Variants in NAPA observed in about 807,000 individuals in gnomAD.
The protein encoded by NAPA is alpha-soluble NSF attachment protein.
Under a neutral mutation model 48.0 loss-of-function variants are expected in NAPA, and 18 were observed. The ratio of observed to expected loss-of-function variants is 0.38; its 90% CI spans 0.26 to 0.56. NAPA has a LOEUF of 0.56. NAPA is among the 20% of genes least tolerant of loss of function. NAPA has a pLI of 0.77. For synonymous variants in NAPA, 152 were observed against 149.9 expected (o/e 1.01, Z -0.10); for missense variants, 315 against 385.0 (o/e 0.82, Z 1.52).
chr19:47,500,525 T>C (rs1437536286), intron 3 of NAPA, 108 bp downstream of exon 3: 4 of 831,926 alleles, frequency 4.8e-6, no homozygotes, highest in Non-Finnish European at 7.2e-6. Context: ...GCCTATCACA[T>C]GTCGGCCACT....
intron 8 of NAPA, among the ~76,000 whole-genome samples, chr19:47,491,749 C>T (rs1390688934): frequency 6.6e-6 from 1 of 152,156 alleles, no homozygotes; most frequent in Non-Finnish European, 1.5e-5. Flanking sequence ...TAATGGGGTG[C>T]AGTGAGGATT....
At chr19:47,503,528 G>C (rs956406307) in intron 1 of NAPA, 26 bp from the exon 2 acceptor site, 1 of 1,605,154 alleles carries the variant, frequency 6.2e-7, no homozygotes, top group Non-Finnish European at 8.5e-7. Context: ...AGAAAAAAAG[G>C]AGACAATCTA....
chr19:47,513,846 CTTTTTTTTT>C (rs776314156), intron 1 of NAPA, among the ~76,000 whole-genome samples: 34 of 115,856 alleles, frequency 2.9e-4, no homozygotes, highest in South Asian at 5.2e-4. Flanking sequence ...TTCTTTCTTT[CTTTTTTTTT>C]TTTTTTTTTT....
intron 9 of NAPA, 136 bp from the exon 10 acceptor site, chr19:47,489,897 T>C (rs529634019): frequency 2.4e-6 from 2 of 837,740 alleles, no homozygotes; most frequent in Middle Eastern, 3.0e-4. Context: ...GGTCAATCCG[T>C]GTGGGTTAAA....
At chr19:47,491,950 A>G in intron 8 of NAPA, 65 bp downstream of exon 8, 3 of 1,450,100 alleles carry the variant, frequency 2.1e-6, no homozygotes, top group Non-Finnish European at 2.9e-6. Context: ...GGGCAACGGG[A>G]CCTGGCCTGG....
intron 1 of NAPA, among the ~76,000 whole-genome samples, chr19:47,503,919 G>A (rs781106534): frequency 1.2e-4 from 19 of 152,208 alleles, no homozygotes; most frequent in Non-Finnish European, 1.3e-4. Flanking sequence ...TGTTGCTTTC[G>A]CAGAGGCAGC....
At chr19:47,501,845 C>G in intron 2 of NAPA, among the ~76,000 whole-genome samples, 1 of 152,190 alleles carries the variant, frequency 6.6e-6, no homozygotes, top group East Asian at 1.9e-4. Flanking sequence ...GGAAGAGGAC[C>G]AGGAGGCCTG....
downstream of NAPA, among the ~76,000 whole-genome samples, chr19:47,484,815 C>T (rs1968023352): frequency 6.6e-6 from 1 of 151,576 alleles, no homozygotes; most frequent in African/African-American, 2.4e-5. Context: ...AGCGATTCTC[C>T]TGCCTCAGCC....
rs748705457 is a variant in NAPA, at chr19:47,491,971, A to G, written c.666+44T>C. ...CGGGACCTGGCCTGGAGATAAGCAC[A>G]TGGTGGCCTGGTGCGGTGGTCCTGC... On this transcript the variant is annotated intron_variant, in intron 8 of 10. Transcript: ENST00000263354. 39 of 1,557,690 alleles carry G rather than the reference A, an allele frequency of 2.5e-5. No homozygotes were observed. In the Admixed American group the frequency reaches 5.7e-4, roughly 23 times the overall value.
downstream of NAPA, among the ~76,000 whole-genome samples, chr19:47,486,290 G>A (rs1968075739): frequency 6.6e-6 from 1 of 152,120 alleles, no homozygotes; most frequent in Admixed American, 6.5e-5. Context: ...GGGAGGCAGA[G>A]GTTGCAGTGA....
intron 3 of NAPA, 102 bp downstream of exon 3, chr19:47,500,531 C>A: frequency 1.1e-6 from 1 of 913,112 alleles, no homozygotes; most frequent in Admixed American, 3.2e-5. Context: ...CACATGTCGG[C>A]CACTGGAAAA....
intron 3 of NAPA, among the ~76,000 whole-genome samples, chr19:47,498,549 G>A (rs1017411374): frequency 6.6e-6 from 1 of 152,222 alleles, no homozygotes; most frequent in East Asian, 1.9e-4. Context: ...CACCACCTGC[G>A]CTGCTGAGCC....
intron 2 of NAPA, 56 bp downstream of exon 2, chr19:47,503,367 T>C (rs368985706): frequency 9.9e-6 from 15 of 1,515,008 alleles, no homozygotes; most frequent in Non-Finnish European, 1.3e-5. Flanking sequence ...CCTGTGTGAG[T>C]GGAAGCTGAG....
rs767257286 is a variant in NAPA at position 47,492,892 on chromosome 19, G to T, written c.561+69C>A. On this transcript the variant is annotated intron_variant, in intron 7 of 10. Transcript: ENST00000263354. The stretch of plus-strand genomic sequence containing the variant: ...AGGGGTGGTTCCAGAACAAGGTGCC[G>T]GGGCTTAGGAGGAGGCACAGGCCCT... 4.0e-6 allele frequency: 6 copies of T among 1,490,850 alleles called. No homozygotes were observed. The African/African-American group carries it at 6.9e-5, about 17-fold the overall frequency. 92.4% of individuals were successfully genotyped at this position (1,490,850 alleles called of 1,614,324 possible). A position where few individuals can be genotyped will look rare whatever the true frequency, so the allele number is the denominator to read the frequency against.
At chr19:47,489,651 C>T in intron 10 of NAPA, 60 bp downstream of exon 10, 5 of 1,580,048 alleles carry the variant, frequency 3.2e-6, no homozygotes, top group Non-Finnish European at 4.3e-6. Flanking sequence ...CTGAGAAGGG[C>T]AGCTTTCCTA....
At position 47,490,841 on chromosome 19, in the gene NAPA, A is replaced by G. The variant is rs1968247020; in HGVS notation, c.682T>C (p.Tyr228His). 6.2e-7 allele frequency: 1 copy of G among 1,613,530 alleles called. No individual in the cohort carries two copies. Among genetic ancestry groups the G allele is most frequent in the Non-Finnish European group, 8.5e-7 (1 of 1,179,732 alleles). Residue 228 changes from tyrosine (Y) to histidine (H), a missense_variant, in exon 9 of 11, where the codon TAT becomes CAT. Coordinates refer to ENST00000263354, the MANE Select transcript of NAPA (RefSeq NM_003827.4). ...MLNAKLAVQK[Y>H]EELFPAFSDS... ...GAGAAAGCTGGGAACAGCTCCTCATACTTTTGGACAGCCAGCTGGGCAGCA... is the reference window on the plus strand; with the variant it reads ...GAGAAAGCTGGGAACAGCTCCTCATGCTTTTGGACAGCCAGCTGGGCAGCA...
At chr19:47,495,402 T>G (rs533952982) in intron 4 of NAPA, 148 bp downstream of exon 4, 1 of 868,374 alleles carries the variant, frequency 1.2e-6, no homozygotes, top group East Asian at 2.4e-5. Context: ...CCAGCTCAGG[T>G]GACCTAATCC....
chr19:47,493,842 A>T lies in NAPA; in HGVS notation c.343-349T>A, dbSNP rs543170784. On this transcript the variant is annotated intron_variant, in intron 4 of 10. Coordinates refer to ENST00000263354, the MANE Select transcript of NAPA (RefSeq NM_003827.4). The surrounding 1 kb of genome is among the most constrained non-coding windows in gnomAD (Gnocchi z 6.4). Reference sequence around the variant, plus strand: ...GGCCCTGGCCCTTAGGAAGCCTCTGATAACAGCCAGAGAGGCGGAAGGACC... The same window carrying T: ...GGCCCTGGCCCTTAGGAAGCCTCTGTTAACAGCCAGAGAGGCGGAAGGACC... Among the ~76,000 whole-genome samples, 1 of 152,136 alleles carries T rather than the reference A, an allele frequency of 6.6e-6. No individual in the cohort carries two copies. Among genetic ancestry groups the T allele is most frequent in the Non-Finnish European group, 1.5e-5 (1 of 68,006 alleles).
At position 47,493,374 on chromosome 19, in the gene NAPA, G is replaced by A; in HGVS notation, c.420+42C>T. ...GGTGGGAAGAAGAGAGAGCAGCACTGGTCCTGGCTGCCAGCCCATGCAGGG... is the reference window on the plus strand; with the variant it reads ...GGTGGGAAGAAGAGAGAGCAGCACTAGTCCTGGCTGCCAGCCCATGCAGGG... On this transcript the variant is annotated intron_variant, in intron 5 of 10. Transcript: ENST00000263354. The surrounding 1 kb of genome is among the most constrained non-coding windows in gnomAD (Gnocchi z 6.4). The A allele has an allele frequency of 1.2e-6, 2 of 1,601,636 alleles. No individual in the cohort carries two copies. Among genetic ancestry groups the A allele is most frequent in the South Asian group, 1.1e-5 (1 of 90,814 alleles).
Sources: gnomAD v4.1 joint callset for allele counts (sites outside exome capture counted in the v4.1 genomes callset) on GRCh38, gnomAD v4.1.1 for gene constraint, Gnocchi (gnomAD v3.1) non-coding constraint, MANE v1.5 for transcripts, NCBI Gene and HGNC (gene_info 2026-07-23, HGNC 2026-07-21) for gene names.